The following MB21D2 variants were observed in gnomAD, a reference collection of about 807,000 sequenced individuals.
MB21D2 encodes Mab-21 domain containing 2.
A neutral mutation model predicts 33.3 loss-of-function variants in MB21D2; 9 were observed. The ratio of observed to expected loss-of-function variants is 0.27; its 90% CI spans 0.16 to 0.47. The LOEUF is 0.47. Ranked by LOEUF, MB21D2 falls within the 20% of genes least tolerant of loss-of-function variation. The pLI, the probability that MB21D2 is intolerant of heterozygous loss-of-function variation, is 0.99. For missense variants in MB21D2, 540 were observed against 624.6 expected (o/e 0.86, Z 1.44); for synonymous variants, 241 against 236.3 (o/e 1.02, Z -0.18).
At chr3:192,900,941 A>AG (rs1197189248) in intron 1 of MB21D2, among the ~76,000 whole-genome samples, 1 of 32,742 alleles carries the variant, frequency 3.1e-5, no homozygotes, top group Non-Finnish European at 7.3e-5. Flanking sequence ...ACTCTGTCTC[A>AG]AAAAAAAAAA....
intron 1 of MB21D2, among the ~76,000 whole-genome samples, chr3:192,916,003 C>G (rs1056832459): frequency 2.6e-5 from 4 of 151,944 alleles, no homozygotes; most frequent in Non-Finnish European, 5.9e-5. Context: ...GCTCAGCCTT[C>G]TGTGTGTGGC....
intron 1 of MB21D2, among the ~76,000 whole-genome samples, chr3:192,826,858 C>T (rs1192462400): frequency 6.6e-6 from 1 of 151,878 alleles, no homozygotes; most frequent in Admixed American, 6.6e-5. Flanking sequence ...ACTCACTCAG[C>T]ATCCCAATTT....
intron 1 of MB21D2, among the ~76,000 whole-genome samples, chr3:192,824,117 C>T (rs1400374085): frequency 6.6e-6 from 1 of 152,108 alleles, no homozygotes; most frequent in Non-Finnish European, 1.5e-5. Flanking sequence ...AATTTAGGAC[C>T]TCACCCCTTA....
intron 1 of MB21D2, among the ~76,000 whole-genome samples, chr3:192,895,067 G>A (rs886241149): frequency 4.6e-5 from 7 of 152,080 alleles, no homozygotes; most frequent in Non-Finnish European, 8.8e-5. Context: ...CACGAATCCG[G>A]TGGCCTGGGT....
intron 1 of MB21D2, among the ~76,000 whole-genome samples, chr3:192,811,898 A>G (rs1334728180): frequency 6.6e-6 from 1 of 152,154 alleles, no homozygotes; most frequent in Admixed American, 6.5e-5. Flanking sequence ...AAAGACCAAA[A>G]CAAAGTTTCT....
intron 1 of MB21D2, among the ~76,000 whole-genome samples, chr3:192,909,261 A>T (rs11712533): frequency 4.0e-5 from 6 of 150,350 alleles, no homozygotes; most frequent in Admixed American, 2.6e-4. Context: ...GTCTCAAAAA[A>T]AAAAAATAAA....
chr3:192,891,954 C>T (rs571648700), intron 1 of MB21D2, among the ~76,000 whole-genome samples: 10 of 152,248 alleles, frequency 6.6e-5, no homozygotes, highest in South Asian at 2.1e-4. Flanking sequence ...AACCCACCTG[C>T]ACTTTTACTG....
At chr3:192,861,523 C>T (rs563468839) in intron 1 of MB21D2, among the ~76,000 whole-genome samples, 5 of 152,328 alleles carry the variant, frequency 3.3e-5, no homozygotes, top group South Asian at 2.1e-4. Flanking sequence ...AGACCCATTT[C>T]GGGCCAGGTG....
intron 1 of MB21D2, among the ~76,000 whole-genome samples, chr3:192,890,400 A>G (rs1269158053): frequency 2.6e-5 from 4 of 152,074 alleles, no homozygotes; most frequent in Non-Finnish European, 4.4e-5. Context: ...TGGAAACTCA[A>G]GACACCAAAT....
intron 1 of MB21D2, among the ~76,000 whole-genome samples, chr3:192,876,744 A>G (rs1713436901): frequency 6.6e-6 from 1 of 152,134 alleles, no homozygotes; most frequent in Non-Finnish European, 1.5e-5. Flanking sequence ...GCCTTTGAAC[A>G]TAATATGTTC....
rs79830314 is a variant in MB21D2, at chr3:192,873,016, C to T, written c.211+44614G>A. Among the ~76,000 whole-genome samples the T allele has an allele frequency of 7.7e-3, 1,170 of 151,544 alleles. 6 individuals carry two copies. The highest frequency in any genetic ancestry group is 0.017 in the Middle Eastern group (5 of 294). ...TTCACAAGTTTAGAAGACACCCCCC[C>T]CCACCAAGCAAGCAACTCAAAATGC... is the stretch of plus-strand genomic sequence containing the variant. On this transcript the variant is annotated intron_variant, in intron 1 of 1. Coordinates refer to ENST00000392452, the MANE Select transcript of MB21D2 (RefSeq NM_178496.4).
chr3:192,861,728 C>T (rs1445777342), intron 1 of MB21D2, among the ~76,000 whole-genome samples: 3 of 152,124 alleles, frequency 2.0e-5, no homozygotes, highest in African/African-American at 7.2e-5. Flanking sequence ...CACTTGAACC[C>T]GGGAGGTGGA....
intron 1 of MB21D2, among the ~76,000 whole-genome samples, chr3:192,905,873 T>C (rs1377408027): frequency 6.6e-6 from 1 of 152,062 alleles, no homozygotes; most frequent in Admixed American, 6.6e-5. Flanking sequence ...AAAAGTATTG[T>C]AATATGAAGA....
chr3:192,892,876 C>T (rs944064447), intron 1 of MB21D2, among the ~76,000 whole-genome samples: 2 of 152,102 alleles, frequency 1.3e-5, no homozygotes, highest in South Asian at 2.1e-4. Flanking sequence ...GAATTATGTA[C>T]AAAAGGGGGA....
chr3:192,893,868 T>C (rs988414709), intron 1 of MB21D2, among the ~76,000 whole-genome samples: 1 of 152,098 alleles, frequency 6.6e-6, no homozygotes, highest in Non-Finnish European at 1.5e-5. Context: ...AGACCCTATC[T>C]CTACTACATA....
intron 1 of MB21D2, among the ~76,000 whole-genome samples, chr3:192,902,283 T>C (rs1048478708): frequency 2.0e-5 from 3 of 152,170 alleles, no homozygotes; most frequent in Non-Finnish European, 2.9e-5. Context: ...CCCACGTTTG[T>C]ATACCAGCAA....
chr3:192,856,386 A>G (rs1356671486), intron 1 of MB21D2, among the ~76,000 whole-genome samples: 2 of 152,212 alleles, frequency 1.3e-5, no homozygotes, highest in Non-Finnish European at 2.9e-5. Flanking sequence ...AATGAGAATC[A>G]CAATGCCTAT....
chr3:192,880,898 T>G (rs1713544641), intron 1 of MB21D2, among the ~76,000 whole-genome samples: 1 of 152,174 alleles, frequency 6.6e-6, no homozygotes, highest in Admixed American at 6.5e-5. Flanking sequence ...GACAATCATT[T>G]TTCAGATTAT....
intron 1 of MB21D2, among the ~76,000 whole-genome samples, chr3:192,824,628 A>G (rs893345074): frequency 6.6e-6 from 1 of 152,234 alleles, no homozygotes; most frequent in Non-Finnish European, 1.5e-5. Flanking sequence ...GCTGTTTATA[A>G]AGAGGCGCTT....
Sources: gnomAD v4.1 joint callset for allele counts (sites outside exome capture counted in the v4.1 genomes callset) on GRCh38, gnomAD v4.1.1 for gene constraint, MANE v1.5 for transcripts, NCBI Gene and HGNC (gene_info 2026-07-23, HGNC 2026-07-21) for gene names.